The following LCLAT1 variants were observed in gnomAD, a reference collection of about 807,000 sequenced individuals.
LCLAT1 encodes the protein lysocardiolipin acyltransferase 1.
A neutral mutation model predicts 30.7 loss-of-function variants in LCLAT1; 11 were observed. The ratio of observed to expected loss-of-function variants is 0.36; its 90% CI spans 0.23 to 0.59. The LOEUF is 0.59. Ranked by LOEUF, LCLAT1 falls within the 20% of genes least tolerant of loss-of-function variation. The pLI, the probability that LCLAT1 is intolerant of heterozygous loss-of-function variation, is 0.77. For synonymous variants in LCLAT1, 155 were observed against 151.3 expected (o/e 1.02, Z -0.18); for missense variants, 402 against 458.6 (o/e 0.88, Z 1.13).
intron 5 of LCLAT1, 61 bp downstream of exon 5, chr2:30,568,237 A>G: frequency 1.3e-6 from 1 of 781,008 alleles, no homozygotes; most frequent in Non-Finnish European, 2.1e-6. Flanking sequence ...TAAGCTTTAT[A>G]TATAGCCCTT....
intron 3 of LCLAT1, among the ~76,000 whole-genome samples, chr2:30,560,320 GT>G (rs1665145232): frequency 7.1e-6 from 1 of 140,578 alleles, no homozygotes; most frequent in South Asian, 2.1e-4. Context: ...GTGTGTGTGT[GT>G]GTGTATTATT....
chr2:30,560,723 C>G (rs928269791), intron 3 of LCLAT1, among the ~76,000 whole-genome samples: 123 of 152,136 alleles, frequency 8.1e-4, no homozygotes, highest in Non-Finnish European at 1.4e-3. Context: ...ATGATGATAG[C>G]TGTTGTCTTA....
intron 1 of LCLAT1, among the ~76,000 whole-genome samples, chr2:30,453,856 T>C (rs776851853): frequency 7.2e-5 from 11 of 152,180 alleles, no homozygotes; most frequent in Non-Finnish European, 1.2e-4. Flanking sequence ...GTGCTTTAAG[T>C]TTTTAACTCC....
intron 5 of LCLAT1, among the ~76,000 whole-genome samples, chr2:30,633,898 C>G (rs1022280456): frequency 6.6e-6 from 1 of 152,166 alleles, no homozygotes; most frequent in Admixed American, 6.5e-5. Context: ...CTACAAAAGC[C>G]TCTTTCCATT....
chr2:30,493,928 G>A (rs1020034846), intron 1 of LCLAT1, among the ~76,000 whole-genome samples: 7 of 152,132 alleles, frequency 4.6e-5, no homozygotes, highest in Admixed American at 2.6e-4. Flanking sequence ...CGAGGTGGTA[G>A]GATCTCTTGA....
At chr2:30,537,555 C>T (rs1316758044) in intron 3 of LCLAT1, among the ~76,000 whole-genome samples, 1 of 151,712 alleles carries the variant, frequency 6.6e-6, no homozygotes, top group Non-Finnish European at 1.5e-5. Context: ...CGCACGCACA[C>T]CAAACACCGG....
intron 3 of LCLAT1, among the ~76,000 whole-genome samples, chr2:30,537,989 T>C (rs1298986983): frequency 6.6e-6 from 1 of 151,640 alleles, no homozygotes; most frequent in Admixed American, 6.6e-5. Flanking sequence ...GGTGGATCAA[T>C]GAAGAAATTA....
intron 3 of LCLAT1, among the ~76,000 whole-genome samples, chr2:30,541,848 G>C (rs942686870): frequency 1.3e-5 from 2 of 151,990 alleles, no homozygotes; most frequent in Admixed American, 6.6e-5. Flanking sequence ...GTGTAAGAGA[G>C]AGTTCCAGGT....
At chr2:30,608,951 C>G (rs1000845728) in intron 5 of LCLAT1, among the ~76,000 whole-genome samples, 1 of 151,776 alleles carries the variant, frequency 6.6e-6, no homozygotes, top group Admixed American at 6.6e-5. Context: ...GTGCCTGTTT[C>G]CTCTCATTCC....
intron 5 of LCLAT1, among the ~76,000 whole-genome samples, chr2:30,630,870 T>G (rs1167161760): frequency 6.6e-6 from 1 of 152,204 alleles, no homozygotes; most frequent in Non-Finnish European, 1.5e-5. Context: ...TCCACATATA[T>G]ATCAGTCAGA....
chr2:30,622,074 T>A (rs1668281032), intron 5 of LCLAT1, among the ~76,000 whole-genome samples: 1 of 152,046 alleles, frequency 6.6e-6, no homozygotes, highest in African/African-American at 2.4e-5. Context: ...CCTGGAGCTA[T>A]TGAGGGGACA....
At chr2:30,498,883 T>C (rs1253013084) in intron 1 of LCLAT1, among the ~76,000 whole-genome samples, 1 of 152,100 alleles carries the variant, frequency 6.6e-6, no homozygotes, top group Non-Finnish European at 1.5e-5. Flanking sequence ...AGACTGAGAG[T>C]GGGAAGCCTG....
chr2:30,537,107 C>A (rs143140207), intron 3 of LCLAT1, among the ~76,000 whole-genome samples: 1 of 152,136 alleles, frequency 6.6e-6, no homozygotes, highest in African/African-American at 2.4e-5. Context: ...GTTGGCCGGG[C>A]GCGGTGGCTC....
chr2:30,533,692 G>C (rs1686092075), intron 3 of LCLAT1, among the ~76,000 whole-genome samples: 1 of 152,198 alleles, frequency 6.6e-6, no homozygotes, highest in Non-Finnish European at 1.5e-5. Context: ...TATTCATGTA[G>C]TAAGTATTAA....
At chr2:30,559,592 C>T (rs1665095944) in intron 3 of LCLAT1, among the ~76,000 whole-genome samples, 1 of 152,070 alleles carries the variant, frequency 6.6e-6, no homozygotes, top group Non-Finnish European at 1.5e-5. Context: ...ATATTCTCAC[C>T]TTTTTATTAT....
At chr2:30,474,923 A>G (rs1292694493) in intron 1 of LCLAT1, among the ~76,000 whole-genome samples, 1 of 152,108 alleles carries the variant, frequency 6.6e-6, no homozygotes, top group Non-Finnish European at 1.5e-5. Flanking sequence ...AAGTGCTGGG[A>G]TTACAGGCAT....
At chr2:30,576,536 AT>A (rs1666000127) in intron 5 of LCLAT1, among the ~76,000 whole-genome samples, 1 of 152,138 alleles carries the variant, frequency 6.6e-6, no homozygotes, top group African/African-American at 2.4e-5. Flanking sequence ...TCCTGTTCAT[AT>A]GAAAATCAAA....
intron 5 of LCLAT1, among the ~76,000 whole-genome samples, chr2:30,596,013 TACC>T (rs1475463805): frequency 6.6e-6 from 1 of 152,236 alleles, no homozygotes; most frequent in African/African-American, 2.4e-5. Flanking sequence ...GGTGTATATG[TACC>T]ACATTTTCTT....
intron 3 of LCLAT1, among the ~76,000 whole-genome samples, chr2:30,542,806 T>G (rs528993319): frequency 6.6e-6 from 1 of 152,284 alleles, no homozygotes; most frequent in East Asian, 1.9e-4. Flanking sequence ...GCTGCCAGTT[T>G]ATAGAAATGC....
Sources: gnomAD v4.1 joint callset for allele counts (sites outside exome capture counted in the v4.1 genomes callset) on GRCh38, gnomAD v4.1.1 for gene constraint, MANE v1.5 for transcripts, NCBI Gene and HGNC (gene_info 2026-07-23, HGNC 2026-07-21) for gene names.